Variants in NLRP5 observed in about 807,000 individuals in gnomAD.
NLRP5 encodes the protein NACHT, LRR and PYD domains-containing protein 5.
In NLRP5, 93 loss-of-function variants were observed where a neutral mutation model predicts 113.1. That is an observed-to-expected ratio of 0.82 (90% CI 0.70 to 0.98). The LOEUF (loss-of-function observed/expected upper bound fraction) is 0.98. Ranked by LOEUF, NLRP5 falls within the 50% of genes least tolerant of loss-of-function variation. The probability of loss-of-function intolerance (pLI) is 0.00; values close to 1 mark genes in which losing one functional copy is unlikely to be tolerated. For missense variants in NLRP5, 1,808 were observed against 1,514.3 expected (o/e 1.19, Z -3.22); for synonymous variants, 751 against 600.7 (o/e 1.25, Z -3.66).
At chr19:55,986,890 G>A in the NLRP5 span, among the ~76,000 whole-genome samples, 134 of 152,266 alleles carry the variant, frequency 8.8e-4, no homozygotes, top group African/African-American at 3.1e-3. Flanking sequence ...TAGAACCCGC[G>A]TATTGAGCTT....
At chr19:55,991,046 G>C in the NLRP5 span, among the ~76,000 whole-genome samples, 17 of 152,060 alleles carry the variant, frequency 1.1e-4, no homozygotes, top group African/African-American at 3.9e-4. Flanking sequence ...AGCTGTTTAC[G>C]TAATGCATTC....
At chr19:56,030,714 C>CTTCTTTT (rs1555767859) in intron 7 of NLRP5, among the ~76,000 whole-genome samples, 10,082 of 70,406 alleles carry the variant, frequency 0.14, 1,443 homozygotes, top group Non-Finnish European at 0.18. Flanking sequence ...CTTTCTTCTT[C>CTTCTTTT]TTTTTTTTTT....
chr19:56,005,344 CATACACAT>C (rs989793283), intron 2 of NLRP5, among the ~76,000 whole-genome samples: 6 of 137,722 alleles, frequency 4.4e-5, no homozygotes, highest in Non-Finnish European at 7.7e-5. Flanking sequence ...TACACATACA[CATACACAT>C]ATATTTTTAT....
intron 11 of NLRP5, among the ~76,000 whole-genome samples, chr19:56,049,608 G>A (rs569213702): frequency 1.3e-5 from 2 of 152,236 alleles, no homozygotes; most frequent in South Asian, 2.1e-4. Flanking sequence ...ACCGTGCCCA[G>A]CCTGAATTTC....
intron 1 of NLRP5, among the ~76,000 whole-genome samples, chr19:56,002,352 C>T (rs1981686563): frequency 6.6e-6 from 1 of 152,026 alleles, no homozygotes; most frequent in Non-Finnish European, 1.5e-5. Context: ...AAACTGTTTA[C>T]TGTGTTTATG....
chr19:56,048,010 C>A (rs1316698040), intron 11 of NLRP5, among the ~76,000 whole-genome samples: 2 of 152,112 alleles, frequency 1.3e-5, no homozygotes, highest in Non-Finnish European at 2.9e-5. Flanking sequence ...GTTGCTTTAA[C>A]GTTTGTTTCA....
At position 56,010,924 on chromosome 19, in the gene NLRP5, G is replaced by A. The variant is rs1982164412; in HGVS notation, c.508+2071G>A. Among the ~76,000 whole-genome samples the A allele has an allele frequency of 2.0e-5, 3 of 151,898 alleles. No homozygotes were observed. In the South Asian group the frequency reaches 6.2e-4, roughly 32 times the overall value. On this transcript the variant is annotated intron_variant, in intron 3 of 14. Transcript: ENST00000390649. ...CCCAGCACTTTGGGAGGCTGAGGCA[G>A]GCAGATTGCTCGAACCCAGGAGTTC...
At chr19:55,990,562 C>T in the NLRP5 span, among the ~76,000 whole-genome samples, 1 of 151,892 alleles carries the variant, frequency 6.6e-6, no homozygotes, top group Admixed American at 6.6e-5. Context: ...CACGGTGGCT[C>T]ATGCCTGTAA....
At chr19:56,057,628 T>A (rs1984205699) in intron 13 of NLRP5, among the ~76,000 whole-genome samples, 1 of 152,222 alleles carries the variant, frequency 6.6e-6, no homozygotes, top group South Asian at 2.1e-4. Context: ...CTACAGGCAC[T>A]CTCAGCCTTT....
At chr19:56,039,469 C>T (rs1599901814) in intron 10 of NLRP5, among the ~76,000 whole-genome samples, 1 of 152,256 alleles carries the variant, frequency 6.6e-6, no homozygotes, top group African/African-American at 2.4e-5. Context: ...CAGAGGGTGA[C>T]ATCTGAGCTC....
At position 56,049,320 on chromosome 19, in the gene NLRP5, C is replaced by T. The variant is rs149384940; in HGVS notation, c.2958-1098C>T. On this transcript the variant is annotated intron_variant, in intron 11 of 14. Transcript: ENST00000390649. The stretch of plus-strand genomic sequence containing the variant: ...TCAGCCTCCCGAGCAGCTGGGATTA[C>T]AGGCATGCACCACCACGCCCAACTA... Among the ~76,000 whole-genome samples, 93 of 152,166 alleles carry T rather than the reference C, an allele frequency of 6.1e-4. No homozygotes were observed. The East Asian group carries it at 0.011, about 19-fold the overall frequency.
chr19:56,035,911 C>T (rs1385382070), intron 9 of NLRP5, among the ~76,000 whole-genome samples: 1 of 152,126 alleles, frequency 6.6e-6, no homozygotes, highest in African/African-American at 2.4e-5. Context: ...TCAATAACGA[C>T]AGATGCTTGA....
intron 3 of NLRP5, among the ~76,000 whole-genome samples, chr19:56,010,387 G>A (rs1322244602): frequency 6.6e-6 from 1 of 152,092 alleles, no homozygotes; most frequent in Non-Finnish European, 1.5e-5. Context: ...CTACCCTCAA[G>A]GAGCTTACAT....
At chr19:56,039,836 C>T (rs979411932) in intron 10 of NLRP5, among the ~76,000 whole-genome samples, 1 of 152,104 alleles carries the variant, frequency 6.6e-6, no homozygotes, top group Non-Finnish European at 1.5e-5. Context: ...CTCACTTAAA[C>T]CCGGGAGGCG....
chr19:56,026,891 A>T, intron 6 of NLRP5, 22 bp from the exon 7 acceptor site: 1 of 1,542,136 alleles, frequency 6.5e-7, no homozygotes, highest in South Asian at 1.2e-5. Flanking sequence ...CCTGATTTTC[A>T]TTCTACCCTC....
chr19:56,046,689 C>T (rs10403043), intron 11 of NLRP5, among the ~76,000 whole-genome samples: 2,128 of 152,008 alleles, frequency 0.014, 55 homozygotes, highest in African/African-American at 0.046. Context: ...TACAGGCGCC[C>T]GCCACTGCGG....
At chr19:56,003,296 C>A (rs1199013140) in intron 1 of NLRP5, among the ~76,000 whole-genome samples, 2 of 152,168 alleles carry the variant, frequency 1.3e-5, no homozygotes, top group Middle Eastern at 3.2e-3. Context: ...GGATTACAGG[C>A]ATGTGCCACC....
intron 6 of NLRP5, among the ~76,000 whole-genome samples, chr19:56,023,127 A>T (rs1259274086): frequency 1.3e-5 from 2 of 152,224 alleles, no homozygotes; most frequent in Non-Finnish European, 2.9e-5. Context: ...AGAAGCCCTC[A>T]CGAAGGAGAG....
At chr19:56,056,202 C>T (rs954625222) in intron 13 of NLRP5, among the ~76,000 whole-genome samples, 3 of 152,084 alleles carry the variant, frequency 2.0e-5, no homozygotes, top group Non-Finnish European at 4.4e-5. Flanking sequence ...TAGGAAAGCC[C>T]TAAATCTTCT....
Sources: gnomAD v4.1 joint callset for allele counts (sites outside exome capture counted in the v4.1 genomes callset) on GRCh38, gnomAD v4.1.1 for gene constraint, MANE v1.5 for transcripts, NCBI Gene and HGNC (gene_info 2026-07-23, HGNC 2026-07-21) for gene names.